SEMA3D: variants seen among roughly 807,000 people sequenced by gnomAD.
SEMA3D encodes semaphorin 3D.
In SEMA3D, 84 loss-of-function variants were observed where a neutral mutation model predicts 100.1. That is an observed-to-expected ratio of 0.84 (90% CI 0.70 to 1.01). The LOEUF (loss-of-function observed/expected upper bound fraction) is 1.01. Ranked by LOEUF, SEMA3D falls within the 50% of genes least tolerant of loss-of-function variation. The probability of loss-of-function intolerance (pLI) is 0.00; values close to 1 mark genes in which losing one functional copy is unlikely to be tolerated. For synonymous variants in SEMA3D, 312 were observed against 320.7 expected (o/e 0.97, Z 0.29); for missense variants, 875 against 934.1 (o/e 0.94, Z 0.82).
the SEMA3D span, among the ~76,000 whole-genome samples, chr7:85,222,052 T>C: frequency 6.6e-6 from 1 of 152,088 alleles, no homozygotes; most frequent in African/African-American, 2.4e-5. Context: ...TCTCAAGATG[T>C]GTACATTACT....
intron 18 of SEMA3D, among the ~76,000 whole-genome samples, chr7:85,005,959 T>G (rs1584518225): frequency 6.6e-6 from 1 of 152,066 alleles, no homozygotes. Flanking sequence ...TTGATTTATT[T>G]ACATAAGAGA....
the SEMA3D span, among the ~76,000 whole-genome samples, chr7:85,220,352 C>A: frequency 5.7e-4 from 76 of 133,880 alleles, no homozygotes; most frequent in East Asian, 7.5e-3. Context: ...TTTTTTATCT[C>A]TACACAAATT....
chr7:85,102,946 C>T (rs1788794866), intron 3 of SEMA3D, among the ~76,000 whole-genome samples: 1 of 151,968 alleles, frequency 6.6e-6, no homozygotes, highest in Non-Finnish European at 1.5e-5. Context: ...TTATCATTTC[C>T]AAATGATTTA....
the SEMA3D span, among the ~76,000 whole-genome samples, chr7:85,235,940 C>T: frequency 1.3e-5 from 2 of 152,140 alleles, no homozygotes; most frequent in African/African-American, 4.8e-5. Context: ...TTAAAAATAA[C>T]AATTTCTCTT....
chr7:85,197,971 G>A, the SEMA3D span, among the ~76,000 whole-genome samples: 1 of 152,140 alleles, frequency 6.6e-6, no homozygotes, highest in African/African-American at 2.4e-5. Context: ...CAATGTACAT[G>A]TCTTTAAGAA....
the SEMA3D span, among the ~76,000 whole-genome samples, chr7:85,232,588 T>C: frequency 2.6e-5 from 4 of 152,158 alleles, no homozygotes; most frequent in Non-Finnish European, 4.4e-5. Context: ...GCGGACAAAA[T>C]AGCACCCCTA....
intron 2 of SEMA3D, among the ~76,000 whole-genome samples, chr7:85,152,519 G>T (rs1322040763): frequency 6.6e-6 from 1 of 151,966 alleles, no homozygotes; most frequent in East Asian, 1.9e-4. Context: ...CAATCTTATA[G>T]TAAAAGAAAA....
intron 4 of SEMA3D, 119 bp from the exon 5 acceptor site, chr7:85,081,698 A>G: frequency 1.5e-6 from 1 of 663,212 alleles, no homozygotes; most frequent in Non-Finnish European, 2.6e-6. Context: ...ATGTTGTTAG[A>G]GTCAATGTGG....
chr7:85,176,181 T>C (rs940414738), intron 1 of SEMA3D, among the ~76,000 whole-genome samples: 5 of 152,178 alleles, frequency 3.3e-5, no homozygotes, highest in African/African-American at 1.2e-4. Context: ...TATTGCTTCA[T>C]CCCTCTATTG....
intron 1 of SEMA3D, among the ~76,000 whole-genome samples, chr7:85,182,001 A>G (rs920154587): frequency 6.6e-6 from 1 of 152,214 alleles, no homozygotes; most frequent in Admixed American, 6.5e-5. Flanking sequence ...TAATCTTAAT[A>G]TCACTCAAGT....
the SEMA3D span, among the ~76,000 whole-genome samples, chr7:85,204,135 AG>A: frequency 6.6e-6 from 1 of 152,070 alleles, no homozygotes. Context: ...AAAAGCTTTG[AG>A]CTCTTAAAAA....
intron 6 of SEMA3D, among the ~76,000 whole-genome samples, chr7:85,069,651 G>A (rs1791718620): frequency 1.3e-5 from 2 of 152,092 alleles, no homozygotes; most frequent in African/African-American, 4.8e-5. Context: ...ACCTGTCTGA[G>A]CTACACAGAT....
chr7:85,167,464 C>G (rs1025732165), intron 1 of SEMA3D: 1 of 785,482 alleles, frequency 1.3e-6, no homozygotes, highest in Non-Finnish European at 1.5e-6. Flanking sequence ...TAATGTTGGA[C>G]GTCTATTTGT....
chr7:85,215,326 T>C, the SEMA3D span, among the ~76,000 whole-genome samples: 3 of 152,274 alleles, frequency 2.0e-5, no homozygotes, highest in East Asian at 3.9e-4. Context: ...GTGTTATTGT[T>C]GTTCTCATAT....
intron 1 of SEMA3D, among the ~76,000 whole-genome samples, chr7:85,172,673 A>G (rs1791115980): frequency 6.6e-6 from 1 of 152,028 alleles, no homozygotes; most frequent in African/African-American, 2.4e-5. Flanking sequence ...GCTGTACTGC[A>G]GGTTCCTACA....
At chr7:85,128,010 T>C (rs1283053375) in intron 2 of SEMA3D, among the ~76,000 whole-genome samples, 1 of 151,876 alleles carries the variant, frequency 6.6e-6, no homozygotes, top group East Asian at 1.9e-4. Flanking sequence ...TATTCTGATA[T>C]GTGCCTCTTA....
At position 85,106,571 on chromosome 7, in the gene SEMA3D, T is replaced by C. The variant is rs369447657; in HGVS notation, c.152-8606A>G. Among the ~76,000 whole-genome samples the C allele has an allele frequency of 2.7e-3, 416 of 152,204 alleles. 4 individuals carry two copies. The highest frequency in any genetic ancestry group is 9.7e-3 in the African/African-American group (401 of 41,544). Reference sequence around the variant, plus strand: ...AATCAAGTATATGTATATCAAAAAATAATGTTAAAAGGCATATGTGAAACT... The same window carrying C: ...AATCAAGTATATGTATATCAAAAAACAATGTTAAAAGGCATATGTGAAACT... On this transcript the variant is annotated intron_variant, in intron 3 of 18. Transcript: ENST00000284136.
the SEMA3D span, among the ~76,000 whole-genome samples, chr7:85,243,049 C>T: frequency 0.3 from 45,673 of 151,942 alleles, 7,571 homozygotes; most frequent in Non-Finnish European, 0.38. Context: ...ACTGTTATCA[C>T]CAACCAGTTC....
chr7:85,043,922 C>T (rs760153615), intron 9 of SEMA3D, among the ~76,000 whole-genome samples: 25 of 151,902 alleles, frequency 1.6e-4, no homozygotes, highest in Admixed American at 6.6e-4. Context: ...TTATCAGAAG[C>T]GTGAAAACAG....
Sources: gnomAD v4.1 joint callset for allele counts (sites outside exome capture counted in the v4.1 genomes callset) on GRCh38, gnomAD v4.1.1 for gene constraint, MANE v1.5 for transcripts, NCBI Gene and HGNC (gene_info 2026-07-23, HGNC 2026-07-21) for gene names.